The following DMD variants were observed in gnomAD, a reference collection of about 807,000 sequenced individuals.
DMD encodes mutant dystrophin.
A neutral mutation model predicts 330.1 loss-of-function variants in DMD; 63 were observed. The observed-to-expected ratio is 0.19, with a 90% CI of 0.16 to 0.24. The LOEUF is 0.24. Ranked by LOEUF, DMD falls within the 10% of genes least tolerant of loss-of-function variation. The pLI is 1.00. For synonymous variants in DMD, 1,223 were observed against 959.8 expected, an observed-to-expected ratio of 1.27 and a Z score of -5.07; for missense variants, 3,344 against 2,684.1, an observed-to-expected ratio of 1.25 and a Z score of -5.43.
chrX:31,394,348 T>C (rs1292231809), intron 60 of DMD, among the ~76,000 whole-genome samples: 1 of 112,749 alleles, frequency 8.9e-6, no homozygotes, highest in African/African-American at 3.2e-5. Flanking sequence ...GTTAGCAGGA[T>C]ATCTAATATC....
intron 1 of DMD, among the ~76,000 whole-genome samples, chrX:33,328,903 G>A (rs16990986): frequency 0.041 from 4,615 of 111,217 alleles, 155 homozygotes; most frequent in East Asian, 0.2. Context: ...TATCTGTCTA[G>A]ATGTTTGCAA....
At chrX:32,854,973 C>A (rs771546040) in intron 2 of DMD, among the ~76,000 whole-genome samples, 4 of 111,766 alleles carry the variant, frequency 3.6e-5, no homozygotes, top group Admixed American at 9.5e-5. Context: ...TTAAAAAGGT[C>A]ATTCGTTATA....
At chrX:32,338,632 T>C (rs988162831) in intron 41 of DMD, among the ~76,000 whole-genome samples, 26 of 111,802 alleles carry the variant, frequency 2.3e-4, no homozygotes, top group African/African-American at 8.1e-4. Flanking sequence ...TCTGATAACA[T>C]TGCTTATAAT....
intron 2 of DMD, among the ~76,000 whole-genome samples, chrX:32,889,756 A>G (rs1220977638): frequency 9.0e-6 from 1 of 111,081 alleles, no homozygotes; most frequent in Admixed American, 9.6e-5. Context: ...AAAACCTGTA[A>G]GAACTAATGA....
chrX:32,382,472 C>T (rs1221184188), intron 33 of DMD, among the ~76,000 whole-genome samples: 1 of 111,225 alleles, frequency 9.0e-6, no homozygotes, highest in African/African-American at 3.3e-5. Flanking sequence ...ATGCTACAAT[C>T]GAAATAAATA....
chrX:31,750,299 T>C (rs1292214966), intron 51 of DMD, among the ~76,000 whole-genome samples: 2 of 106,611 alleles, frequency 1.9e-5, no homozygotes, highest in African/African-American at 6.8e-5. Flanking sequence ...AAGTCTTTAA[T>C]CCATCTTGAA....
intron 7 of DMD, among the ~76,000 whole-genome samples, chrX:32,803,305 G>C (rs2148705616): frequency 9.0e-6 from 1 of 111,417 alleles, no homozygotes; most frequent in Non-Finnish European, 1.9e-5. Context: ...TGTGGGATCA[G>C]TGGTGATATC....
intron 29 of DMD, among the ~76,000 whole-genome samples, chrX:32,437,406 C>G (rs1365590425): frequency 8.9e-6 from 1 of 112,123 alleles, no homozygotes; most frequent in East Asian, 2.8e-4. Context: ...AGGTCCCCGA[C>G]ATTGACTATT....
At chrX:33,262,159 T>A (rs982814938) in intron 1 of DMD, among the ~76,000 whole-genome samples, 20 of 111,372 alleles carry the variant, frequency 1.8e-4, no homozygotes, top group African/African-American at 6.5e-4. Flanking sequence ...GCTATAAATG[T>A]TGGAAATGAA....
intron 44 of DMD, among the ~76,000 whole-genome samples, chrX:32,053,954 AG>A (rs1380861792): frequency 9.1e-6 from 1 of 109,981 alleles, no homozygotes; most frequent in South Asian, 3.9e-4. Context: ...CCTAAATCAA[AG>A]GGGGGAATTA....
chrX:31,878,933 G>C (rs2094010319), intron 47 of DMD, among the ~76,000 whole-genome samples: 1 of 111,775 alleles, frequency 8.9e-6, no homozygotes, highest in African/African-American at 3.3e-5. Flanking sequence ...GTGGAAGGCA[G>C]TTTGGCCATA....
chrX:31,165,493 C>G (rs1164580860), intron 74 of DMD, among the ~76,000 whole-genome samples: 1 of 111,943 alleles, frequency 8.9e-6, no homozygotes, highest in East Asian at 2.8e-4. Flanking sequence ...ATGTCTTTGT[C>G]TCTCAGAAAG....
At chrX:31,966,929 G>A (rs2095356267) in intron 45 of DMD, among the ~76,000 whole-genome samples, 1 of 109,747 alleles carries the variant, frequency 9.1e-6, no homozygotes, top group African/African-American at 3.3e-5. Flanking sequence ...TCTTCCAGTC[G>A]ATTTAATCCA....
chrX:31,517,390 A>C (rs952250135), intron 55 of DMD, among the ~76,000 whole-genome samples: 2 of 111,764 alleles, frequency 1.8e-5, no homozygotes, highest in African/African-American at 6.5e-5. Context: ...TACCTACTGC[A>C]TGAAGATGGG....
intron 5 of DMD, among the ~76,000 whole-genome samples, chrX:32,822,395 T>G (rs2078334807): frequency 9.0e-6 from 1 of 111,030 alleles, no homozygotes; most frequent in Admixed American, 9.6e-5. Flanking sequence ...TACATATTTA[T>G]ACATATGTGT....
At chrX:33,041,393 C>A (rs1009968037) in intron 1 of DMD, 2 of 1,191,248 alleles carry the variant, frequency 1.7e-6, no homozygotes, top group Non-Finnish European at 2.3e-6. Context: ...GCTCGAGGGA[C>A]CATGGCCGAT....
intron 44 of DMD, among the ~76,000 whole-genome samples, chrX:32,067,202 A>G (rs1393246432): frequency 1.8e-5 from 2 of 111,846 alleles, no homozygotes; most frequent in Non-Finnish European, 3.8e-5. Context: ...GACTGGTAAC[A>G]AAAATGCAAA....
intron 12 of DMD, among the ~76,000 whole-genome samples, chrX:32,611,977 C>T (rs2057212021): frequency 8.9e-6 from 1 of 111,732 alleles, no homozygotes. Flanking sequence ...AGAACTGGAG[C>T]TCGAATTCTG....
chrX:32,532,749 T>C (rs1181105771), intron 17 of DMD, among the ~76,000 whole-genome samples: 1 of 112,447 alleles, frequency 8.9e-6, no homozygotes, highest in Non-Finnish European at 1.9e-5. Flanking sequence ...GTCATATTTG[T>C]TTTAGTGTCT....
Sources: gnomAD v4.1 joint callset for allele counts (sites outside exome capture counted in the v4.1 genomes callset) on GRCh38, gnomAD v4.1.1 for gene constraint, MANE v1.5 for transcripts, NCBI Gene and HGNC (gene_info 2026-07-23, HGNC 2026-07-21) for gene names.